Variants in UST observed in about 807,000 individuals in gnomAD.
UST encodes chondroitin sulfate 2-O-sulfotransferase.
Under a neutral mutation model 45.6 loss-of-function variants are expected in UST, and 21 were observed. The observed-to-expected ratio is 0.46, with a 90% confidence interval of 0.33 to 0.66. The LOEUF is 0.66. UST is among the 30% of genes least tolerant of loss of function. The pLI is 0.02. For synonymous variants in UST, 215 were observed against 200.6 expected (o/e 1.07, Z -0.61); for missense variants, 463 against 512.4 (o/e 0.90, Z 0.93).
chr6:148,882,727 G>C (rs942599500), intron 1 of UST, among the ~76,000 whole-genome samples: 7 of 152,188 alleles, frequency 4.6e-5, no homozygotes, highest in African/African-American at 1.7e-4. Context: ...TTGTTTACTG[G>C]AGATGTGGGT....
intron 7 of UST, among the ~76,000 whole-genome samples, chr6:149,057,005 T>A (rs530249103): frequency 6.6e-6 from 1 of 152,320 alleles, no homozygotes; most frequent in East Asian, 1.9e-4. Flanking sequence ...AACATCCAGG[T>A]TGTTGGCTCT....
chr6:148,882,753 T>C (rs1778846936), intron 1 of UST, among the ~76,000 whole-genome samples: 2 of 152,202 alleles, frequency 1.3e-5, no homozygotes. Context: ...GCTTGACTAA[T>C]ATTGCTTTGA....
chr6:148,813,800 G>A (rs1172427988), intron 1 of UST, among the ~76,000 whole-genome samples: 1 of 152,110 alleles, frequency 6.6e-6, no homozygotes, highest in Non-Finnish European at 1.5e-5. Flanking sequence ...AAGCAAACCT[G>A]CTGTAGACCA....
chr6:148,895,342 T>G (rs575569661), intron 2 of UST, among the ~76,000 whole-genome samples: 1 of 152,298 alleles, frequency 6.6e-6, no homozygotes, highest in South Asian at 2.1e-4. Flanking sequence ...CTGAAAAGGA[T>G]CTCAGTGACA....
chr6:149,054,180 C>T (rs755930974), intron 7 of UST, among the ~76,000 whole-genome samples: 14 of 152,114 alleles, frequency 9.2e-5, no homozygotes, highest in African/African-American at 2.9e-4. Context: ...GAGGGGGGTG[C>T]GGTAGAATTA....
At chr6:148,752,376 A>G (rs1582787768) in intron 1 of UST, among the ~76,000 whole-genome samples, 1 of 152,350 alleles carries the variant, frequency 6.6e-6, no homozygotes, top group East Asian at 1.9e-4. Context: ...GACGTTATCA[A>G]TAGAAATTGT....
At chr6:148,850,737 G>C (rs887930613) in intron 1 of UST, among the ~76,000 whole-genome samples, 1 of 152,226 alleles carries the variant, frequency 6.6e-6, no homozygotes, top group African/African-American at 2.4e-5. Context: ...ATGATGGAAA[G>C]AGATGAGCAG....
chr6:148,956,103 T>C (rs1199259025), intron 4 of UST: 1 of 152,292 alleles, frequency 6.6e-6, no homozygotes, highest in Non-Finnish European at 1.5e-5. Context: ...TGGTCATGAT[T>C]CTCGGCAAGC....
At chr6:148,880,977 C>T (rs763863502) in intron 1 of UST, among the ~76,000 whole-genome samples, 7 of 150,442 alleles carry the variant, frequency 4.7e-5, no homozygotes, top group Admixed American at 2.0e-4. Context: ...TGCAGTAAGC[C>T]GAGATCACAC....
intron 1 of UST, among the ~76,000 whole-genome samples, chr6:148,784,592 T>C (rs895969277): frequency 2.0e-5 from 3 of 152,198 alleles, no homozygotes; most frequent in African/African-American, 4.8e-5. Flanking sequence ...AGAGTATTAA[T>C]TGGAAAGAAC....
chr6:149,037,460 G>A (rs896453481), intron 7 of UST, among the ~76,000 whole-genome samples: 1 of 152,206 alleles, frequency 6.6e-6, no homozygotes, highest in African/African-American at 2.4e-5. Flanking sequence ...AAAACACGGA[G>A]GCCCAGGTGT....
chr6:149,048,111 A>C (rs1031778299), intron 7 of UST, among the ~76,000 whole-genome samples: 1 of 146,986 alleles, frequency 6.8e-6, no homozygotes, highest in African/African-American at 2.6e-5. Flanking sequence ...TAAATTCCAG[A>C]TGGTCTAAAG....
chr6:148,796,757 C>T (rs573634724), intron 1 of UST, among the ~76,000 whole-genome samples: 33 of 151,016 alleles, frequency 2.2e-4, no homozygotes, highest in African/African-American at 7.3e-4. Flanking sequence ...CTCTTCATGC[C>T]GCAGTGTTGC....
At position 149,021,330 on chromosome 6, in the gene UST, T is replaced by G. The variant is rs1302349282; in HGVS notation, c.786T>G (p.Pro262=). 6.2e-7 allele frequency: 1 copy of G among 1,611,670 alleles called. No homozygotes were observed. The highest frequency in any genetic ancestry group is 1.7e-5 in the Admixed American group (1 of 59,648). ...AATTTTTATATCCATAAAGGGAGCC[T>G]GGTGAATGGGCCCTTGAGAGAGCAA... The part of the protein sequence containing the change: ...FCGQHPRCRE[P]GEWALERAKL... The change falls in exon 7 of 8, where the codon CCT becomes CCG. Residue 262 remains proline, a synonymous_variant. Transcript: ENST00000367463.
intron 7 of UST, among the ~76,000 whole-genome samples, chr6:149,057,046 CTGA>C (rs1334221109): frequency 6.6e-6 from 1 of 152,132 alleles, no homozygotes; most frequent in Non-Finnish European, 1.5e-5. Context: ...CTCACTGAGG[CTGA>C]TGATTGTGAC....
chr6:148,760,968 C>G (rs1776206513), intron 1 of UST, among the ~76,000 whole-genome samples: 1 of 152,146 alleles, frequency 6.6e-6, no homozygotes, highest in Non-Finnish European at 1.5e-5. Context: ...CCCGTAAAAG[C>G]CACAGAACTG....
chr6:148,777,565 G>C (rs189987975), intron 1 of UST, among the ~76,000 whole-genome samples: 2 of 152,106 alleles, frequency 1.3e-5, no homozygotes, highest in Admixed American at 6.5e-5. Context: ...TGTTTTTTGA[G>C]ACGGAGTCTC....
Position 148,747,120 on chromosome 6 carries a change from C to G in UST, c.-311C>G, listed in dbSNP as rs984154014. Among the ~76,000 whole-genome samples, 35 of 150,520 alleles carry G rather than the reference C, an allele frequency of 2.3e-4. No homozygotes were observed. Among genetic ancestry groups the G allele is most frequent in the African/African-American group, 7.5e-4 (31 of 41,380 alleles). ...GGCGCTGGAGGCGAGCCCCGGCGGC[C>G]GCAAGCGAGCCCGAGGCGCGGCGGG... On this transcript the variant is annotated 5_prime_UTR_variant, in exon 1 of 8. Coordinates refer to ENST00000367463, the MANE Select transcript of UST (RefSeq NM_005715.3).
At chr6:148,824,691 T>TTTA (rs1407178973) in intron 1 of UST, among the ~76,000 whole-genome samples, 6 of 149,352 alleles carry the variant, frequency 4.0e-5, no homozygotes, top group African/African-American at 1.5e-4. Flanking sequence ...TTTTTTTTTT[T>TTTA]ATTATACTCT....
Sources: allele counts gnomAD v4.1 joint callset (sites outside exome capture counted in the v4.1 genomes callset), GRCh38; gene constraint gnomAD v4.1.1; transcripts MANE v1.5; gene names NCBI Gene and HGNC (gene_info 2026-07-23, HGNC 2026-07-21).